Variants in MERTK observed in about 807,000 individuals in gnomAD.
The protein encoded by MERTK is tyrosine-protein kinase Mer.
MERTK carries 69 observed loss-of-function variants against 99.3 expected under a neutral mutation model. The observed-to-expected ratio is 0.70, with a 90% confidence interval of 0.57 to 0.85. The LOEUF (loss-of-function observed/expected upper bound fraction) is 0.85, where lower values mean the gene tolerates loss of function less well. Ranked by LOEUF, MERTK falls within the 40% of genes least tolerant of loss-of-function variation. The pLI is 0.00. For missense variants in MERTK, 1,125 were observed against 1,249.4 expected, an observed-to-expected ratio of 0.90 and a Z score of 1.50; for synonymous variants, 426 against 467.6, an observed-to-expected ratio of 0.91 and a Z score of 1.15.
At chr2:112,002,570 T>C (rs1355925602) in intron 11 of MERTK, among the ~76,000 whole-genome samples, 1 of 152,246 alleles carries the variant, frequency 6.6e-6, no homozygotes, top group Non-Finnish European at 1.5e-5. Flanking sequence ...CTGATTTTTG[T>C]AATTCTTCAG....
chr2:111,920,485 A>T (rs540755626), intron 1 of MERTK, among the ~76,000 whole-genome samples: 21 of 151,096 alleles, frequency 1.4e-4, no homozygotes, highest in African/African-American at 5.1e-4. Context: ...CCCAAGGGTC[A>T]CTCCAGTGAA....
At chr2:112,022,181 G>A in intron 17 of MERTK, 77 bp from the exon 18 acceptor site, 1 of 1,594,824 alleles carries the variant, frequency 6.3e-7, no homozygotes, top group Non-Finnish European at 8.6e-7. Context: ...TTAAGGAAAT[G>A]ACCTTTCCCA....
intron 4 of MERTK, among the ~76,000 whole-genome samples, chr2:111,955,785 T>C (rs1172358088): frequency 1.3e-5 from 2 of 152,224 alleles, no homozygotes; most frequent in African/African-American, 4.8e-5. Flanking sequence ...TAAAGAATTT[T>C]ATCATGGGCA....
At chr2:112,020,069 A>G (rs1346379725) in intron 16 of MERTK, among the ~76,000 whole-genome samples, 3 of 152,168 alleles carry the variant, frequency 2.0e-5, no homozygotes, top group South Asian at 4.1e-4. Context: ...AACAATAACT[A>G]TGTCTTGATT....
intron 6 of MERTK, among the ~76,000 whole-genome samples, chr2:111,973,818 A>G (rs1401778055): frequency 2.6e-5 from 4 of 152,068 alleles, no homozygotes; most frequent in African/African-American, 7.2e-5. Context: ...TTCGCCCAGG[A>G]CTAGACTTGT....
chr2:111,939,654 ATTTTTTT>A (rs1184269274), intron 2 of MERTK, among the ~76,000 whole-genome samples: 44 of 88,254 alleles, frequency 5.0e-4, no homozygotes, highest in East Asian at 1.2e-3. Context: ...CTAATTTTTA[ATTTTTTT>A]TTTTTTTTTT....
intron 18 of MERTK, among the ~76,000 whole-genome samples, chr2:112,027,278 C>T (rs1213606587): frequency 6.8e-6 from 1 of 147,140 alleles, no homozygotes; most frequent in Non-Finnish European, 1.5e-5. Flanking sequence ...TATATATATG[C>T]CATATATGTG....
intron 18 of MERTK, among the ~76,000 whole-genome samples, chr2:112,022,980 T>A (rs1677388005): frequency 6.6e-6 from 1 of 152,110 alleles, no homozygotes; most frequent in Non-Finnish European, 1.5e-5. Context: ...AATGTGTGTT[T>A]TAGAATGCTC....
intron 8 of MERTK, among the ~76,000 whole-genome samples, chr2:111,990,039 A>G (rs1328859909): frequency 1.3e-5 from 2 of 152,172 alleles, no homozygotes; most frequent in East Asian, 3.9e-4. Flanking sequence ...AACTTATGTG[A>G]TCTGTACCCT....
Position 112,011,758 on chromosome 2 carries a change from T to TA in MERTK, c.2079+1700dup, listed in dbSNP as rs942242357. Among the ~76,000 whole-genome samples, 95 of 151,778 alleles carry TA rather than the reference T, an allele frequency of 6.3e-4. 1 individual carries two copies. Among genetic ancestry groups the TA allele is most frequent in the South Asian group, 1.2e-3 (6 of 4,802 alleles). On this transcript the variant is annotated intron_variant, in intron 15 of 18. Coordinates refer to ENST00000295408, the MANE Select transcript of MERTK (RefSeq NM_006343.3). The stretch of plus-strand genomic sequence containing the variant: ...AGAGTGAGACTCCATCTGAAAAAAA[T>TA]AAAAAAAACAAGGTTTATTAAGTTC...
chr2:112,010,860 A>G lies in MERTK; in HGVS notation c.2079+794A>G, dbSNP rs55798903. Among the ~76,000 whole-genome samples the G allele has an allele frequency of 4.9e-3, 747 of 152,274 alleles. 5 individuals carry two copies. The highest frequency in any genetic ancestry group is 0.017 in the African/African-American group (722 of 41,530). On this transcript the variant is annotated intron_variant, in intron 15 of 18. Transcript: ENST00000295408. ...AGCAGGACGCCCCTTCCTGCCTTGC[A>G]CGCATCTTCTCTGTTGCAAAAGGCA...
intron 8 of MERTK, among the ~76,000 whole-genome samples, chr2:111,992,882 G>T (rs751551957): frequency 1.3e-5 from 2 of 152,116 alleles, no homozygotes; most frequent in Non-Finnish European, 2.9e-5. Flanking sequence ...GATTTATATA[G>T]CCAGCCAGTC....
At chr2:111,975,117 A>G (rs1490956840) in intron 6 of MERTK, among the ~76,000 whole-genome samples, 172 bp from the exon 7 acceptor site, 1 of 152,220 alleles carries the variant, frequency 6.6e-6, no homozygotes, top group Non-Finnish European at 1.5e-5. Flanking sequence ...GTCCGAGGGC[A>G]TGAGTAACAC....
chr2:112,016,035 C>G (rs890420016), intron 15 of MERTK, among the ~76,000 whole-genome samples: 28 of 152,100 alleles, frequency 1.8e-4, no homozygotes, highest in Non-Finnish European at 2.9e-4. Context: ...CATCCTTTGC[C>G]CCTATCACAT....
Position 111,965,278 on chromosome 2 carries a change from G to A in MERTK, c.844+1G>A, listed in dbSNP as rs764964257. 6.2e-7 allele frequency: 1 copy of A among 1,614,086 alleles called. No homozygotes were observed. The highest frequency in any genetic ancestry group is 1.1e-5 in the South Asian group (1 of 91,078). ...AAGGGAGTGCAGATCAACATCAAAGGTAAGCAGCAAGGCTAGGCTCCCCAT... is the reference window on the plus strand; with the variant it reads ...AAGGGAGTGCAGATCAACATCAAAGATAAGCAGCAAGGCTAGGCTCCCCAT... On this transcript the variant is annotated splice_donor_variant, in intron 5 of 18. Coordinates refer to ENST00000295408, the MANE Select transcript of MERTK (RefSeq NM_006343.3). LOFTEE classifies it high-confidence loss of function.
chr2:111,992,933 C>T, intron 8 of MERTK, among the ~76,000 whole-genome samples: 1 of 152,070 alleles, frequency 6.6e-6, no homozygotes, highest in East Asian at 1.9e-4. Flanking sequence ...TGATTTGTGC[C>T]TGAAACTTGG....
intron 10 of MERTK, among the ~76,000 whole-genome samples, chr2:112,000,695 A>G (rs1676850441): frequency 6.6e-6 from 1 of 152,100 alleles, no homozygotes; most frequent in South Asian, 2.1e-4. Flanking sequence ...GGGTTTCTCT[A>G]CCATGAAGTT....
chr2:111,932,886 G>C (rs773794438), intron 2 of MERTK, among the ~76,000 whole-genome samples: 1 of 152,144 alleles, frequency 6.6e-6, no homozygotes, highest in Non-Finnish European at 1.5e-5. Context: ...CTGGCCGAAG[G>C]GGACGTTATC....
chr2:111,974,769 CAAAAAAAAAAAA>C (rs35594851), intron 6 of MERTK, among the ~76,000 whole-genome samples: 2 of 53,376 alleles, frequency 3.7e-5, no homozygotes, highest in African/African-American at 7.3e-5. Context: ...AGGTCCATCT[CAAAAAAAAAAAA>C]AAAAAAAAAA....
Sources: allele counts gnomAD v4.1 joint callset (sites outside exome capture counted in the v4.1 genomes callset), GRCh38; gene constraint gnomAD v4.1.1; transcripts MANE v1.5; gene names NCBI Gene and HGNC (gene_info 2026-07-23, HGNC 2026-07-21).